WBP2: variants seen among roughly 807,000 people sequenced by gnomAD.
WBP2 encodes WW domain-binding protein 2.
Under a neutral mutation model 33.0 loss-of-function variants are expected in WBP2, and 23 were observed. That is an observed-to-expected ratio of 0.70 (90% CI 0.50 to 0.99). WBP2 has a LOEUF of 0.99. WBP2 is among the 50% of genes least tolerant of loss of function. The probability of loss-of-function intolerance (pLI) is 0.00; values close to 1 mark genes in which losing one functional copy is unlikely to be tolerated. For synonymous variants in WBP2, 153 were observed against 133.5 expected, an observed-to-expected ratio of 1.15 and a Z score of -1.01; for missense variants, 353 against 358.0, an observed-to-expected ratio of 0.99 and a Z score of 0.11.
At position 75,855,335 on chromosome 17, in the gene WBP2, T is replaced by C. The variant is rs2065052433; in HGVS notation, c.-38A>G. On this transcript the variant is annotated 5_prime_UTR_variant, in exon 1 of 8. Coordinates refer to ENST00000254806, the MANE Select transcript of WBP2 (RefSeq NM_012478.4). The stretch of plus-strand genomic sequence containing the variant: ...AGGGGTCCCGAGACTCAAAACGCAA[T>C]GAGCTTGCGCCCCTCTTCGCCCCGC... 1.2e-6 allele frequency: 2 copies of C among 1,608,850 alleles called. No individual in the cohort carries two copies. The highest frequency in any genetic ancestry group is 2.2e-5 in the East Asian group (1 of 44,870).
In WBP2 at chr17:75,849,588, A is replaced by ATGG; in HGVS notation, c.304+15_304+16insCCA. 3.7e-6 allele frequency: 6 copies of ATGG among 1,613,822 alleles called. No individual in the cohort carries two copies. The highest frequency in any genetic ancestry group is 5.1e-6 in the Non-Finnish European group (6 of 1,179,786). ...CCTGCAGGCCCCATGCGTGTCCCTGAGTTCCCATCACCTACCTCCCGCTTC... is the reference window on the plus strand; with the variant it reads ...CCTGCAGGCCCCATGCGTGTCCCTGATGGGTTCCCATCACCTACCTCCCGCTTC... On this transcript the variant is annotated intron_variant, in intron 3 of 7. Transcript: ENST00000254806.
In WBP2 at chr17:75,849,710, G is replaced by A. The variant is rs372636469; in HGVS notation, c.198C>T (p.Ala66=). The A allele has an allele frequency of 6.2e-7, 1 of 1,614,160 alleles. No individual in the cohort carries two copies. The highest frequency in any genetic ancestry group is 8.5e-7 in the Non-Finnish European group (1 of 1,180,014). The change falls in exon 3 of 8, where the codon GCC becomes GCT. Residue 66 remains alanine (A), a synonymous_variant. Transcript: ENST00000254806. The part of the protein sequence containing the change: ...RVIFLSKGKD[A]MQSFMMPFYL... The stretch of plus-strand genomic sequence containing the variant: ...AAAATGGCATCATGAAGGACTGCAT[G>A]GCATCCTTGCCCTTGGACAGAAAGA...
intron 3 of WBP2, chr17:75,849,132 T>C: frequency 4.7e-6 from 1 of 212,740 alleles, no homozygotes; most frequent in Non-Finnish European, 9.6e-6. Context: ...GGACCAAGAG[T>C]GTCTCAATAG....
upstream of WBP2, chr17:75,855,376 C>T: frequency 6.5e-7 from 1 of 1,527,974 alleles, no homozygotes; most frequent in South Asian, 1.1e-5. Context: ...GTGGCGTCTT[C>T]TTATTAGAGT....
Position 75,847,504 on chromosome 17 carries a change from A to T in WBP2, c.638T>A (p.Val213Asp), listed in dbSNP as rs1238255744. 2 of 1,591,298 alleles carry T rather than the reference A, an allele frequency of 1.3e-6. No individual in the cohort carries two copies. Among genetic ancestry groups the T allele is most frequent in the African/African-American group, 2.7e-5 (2 of 74,382 alleles). ...PMEPPVSGPD[V>D]PSTPAAEAKA... ...GCCCTCACCTGCAGGAGTGGAGGGG[A>T]CATCGGGGCCGCTGACCGGAGGTTC... The change falls in exon 6 of 8, where the codon GTC becomes GAC. Residue 213 changes from valine (V) to aspartate (D), a missense_variant. Physicochemically the swap from Val to Asp is radical, Grantham distance 152 (BLOSUM62 -3). Transcript: ENST00000254806.
rs767786307 is a variant in WBP2, at chr17:75,846,579, G to A, written c.*155C>T. ...GGCGGCACCTCTCCCGAGGCCGGGG[G>A]CCCTAATGTCCCACAATGCTAGTTC... On this transcript the variant is annotated 3_prime_UTR_variant, in exon 8 of 8. Transcript: ENST00000254806. The surrounding 1 kb of genome is among the most constrained non-coding windows in gnomAD (Gnocchi z 4.8). 67 of 994,268 alleles carry A rather than the reference G, an allele frequency of 6.7e-5. No homozygotes were observed. The highest frequency in any genetic ancestry group is 7.1e-5 in the South Asian group (5 of 70,576). 61.6% of individuals were successfully genotyped at this position (994,268 alleles called of 1,614,324 possible).
At chr17:75,849,844 T>C in intron 2 of WBP2, 105 bp from the exon 3 acceptor site, 1 of 1,458,324 alleles carries the variant, frequency 6.9e-7, no homozygotes, top group Non-Finnish European at 9.3e-7. Flanking sequence ...AGTGCCAGGG[T>C]CCAGCAGCCC....
intron 6 of WBP2, 82 bp from the exon 7 acceptor site, chr17:75,847,066 TC>T: frequency 6.7e-7 from 1 of 1,497,624 alleles, no homozygotes; most frequent in Admixed American, 1.8e-5. Context: ...CCCCCATGGC[TC>T]GGGGCAGCTG....
At chr17:75,847,645 ACCCGGCTGCGGCCCCCT>A in intron 5 of WBP2, 36 bp from the exon 6 acceptor site, 1 of 1,611,874 alleles carries the variant, frequency 6.2e-7, no homozygotes, top group Non-Finnish European at 8.5e-7. Context: ...CATGGTGAGC[ACCCGGCTGCGGCCCCCT>A]CCCGGGTGAG....
chr17:75,854,077 GA>G (rs2065043562), intron 1 of WBP2, among the ~76,000 whole-genome samples: 1 of 144,084 alleles, frequency 6.9e-6, no homozygotes, highest in Admixed American at 7.0e-5. Flanking sequence ...AAAAAGAGAA[GA>G]GAAGTACTGC....
intron 5 of WBP2, 88 bp from the exon 6 acceptor site, chr17:75,847,697 G>C: frequency 6.3e-7 from 1 of 1,582,624 alleles, no homozygotes. Flanking sequence ...CTCCTTCGTT[G>C]GTCCTGAAGC....
chr17:75,847,083 G>A, intron 6 of WBP2, 99 bp from the exon 7 acceptor site: 1 of 1,351,086 alleles, frequency 7.4e-7, no homozygotes, highest in Admixed American at 1.9e-5. Flanking sequence ...AGCTGGTGCT[G>A]GGGGTCCAGT....
chr17:75,845,787 A>AT lies in WBP2; in HGVS notation c.*946dup, dbSNP rs35810342. ...TATTTCACATTAATATATTAACTGGATTTTTTGTCAAATAAATAGGGAATT... is the reference window on the plus strand; with the variant it reads ...TATTTCACATTAATATATTAACTGGATTTTTTTGTCAAATAAATAGGGAATT... On this transcript the variant is annotated 3_prime_UTR_variant, in exon 8 of 8. Coordinates refer to ENST00000254806, the MANE Select transcript of WBP2 (RefSeq NM_012478.4). The AT allele has an allele frequency of 6.6e-6, 1 of 152,580 alleles. No individual in the cohort carries two copies. Among genetic ancestry groups the AT allele is most frequent in the South Asian group, 2.1e-4 (1 of 4,838 alleles). 9.5% of individuals were successfully genotyped at this position (152,580 alleles called of 1,614,324 possible). A position where few individuals can be genotyped will look rare whatever the true frequency, so the allele number is the denominator to read the frequency against.
upstream of WBP2, among the ~76,000 whole-genome samples, chr17:75,856,094 C>T (rs1023579223): frequency 6.6e-6 from 1 of 152,230 alleles, no homozygotes. Flanking sequence ...AGCGGGGTCC[C>T]GGCCGGAAGA....
Position 75,851,804 on chromosome 17 carries a change from T to C in WBP2, c.60-128A>G, listed in dbSNP as rs115732349. ...CTCATAACCTCTCAATAGTGCGGCA[T>C]TAAAACTATTCATAGGGCTGGGCGC... On this transcript the variant is annotated intron_variant, in intron 1 of 7. Transcript: ENST00000254806. The C allele has an allele frequency of 1.2e-3, 837 of 689,448 alleles. 1 individual carries two copies. In the African/African-American group the frequency reaches 0.014, roughly 11 times the overall value. 42.7% of individuals were successfully genotyped at this position (689,448 alleles called of 1,614,324 possible).
chr17:75,851,683 TGAGAA>T lies in WBP2; in HGVS notation c.60-12_60-8del. The stretch of plus-strand genomic sequence containing the variant: ...ATCATAGGACATTAGGATGCTGTGA[TGAGAA>T]AAGAGGAAAAGCCTCAATGAGACAG... On this transcript the variant is annotated splice_region_variant and splice_polypyrimidine_tract_variant and intron_variant, in intron 1 of 7. Coordinates refer to ENST00000254806, the MANE Select transcript of WBP2 (RefSeq NM_012478.4). The T allele has an allele frequency of 1.2e-6, 2 of 1,609,034 alleles. No individual in the cohort carries two copies. The highest frequency in any genetic ancestry group is 1.7e-6 in the Non-Finnish European group (2 of 1,175,760).
upstream of WBP2, among the ~76,000 whole-genome samples, chr17:75,855,737 G>C (rs2065055226): frequency 6.6e-6 from 1 of 152,274 alleles, no homozygotes; most frequent in Admixed American, 6.5e-5. Flanking sequence ...GGGAAGTCCT[G>C]CTGGTCGAAT....
upstream of WBP2, chr17:75,856,404 C>T (rs1157595513): frequency 6.6e-6 from 1 of 152,240 alleles, no homozygotes; most frequent in Non-Finnish European, 1.5e-5. Context: ...TCTAGATCCA[C>T]CTGCTTGACT....
At chr17:75,847,990 GC>G in intron 4 of WBP2, 60 bp from the exon 5 acceptor site, 1 of 1,548,276 alleles carries the variant, frequency 6.5e-7, no homozygotes, top group Non-Finnish European at 8.7e-7. Flanking sequence ...GGAGAGGGCA[GC>G]CCCGCTGCCT....
Sources: allele counts gnomAD v4.1 joint callset (sites outside exome capture counted in the v4.1 genomes callset), GRCh38; gene constraint gnomAD v4.1.1; non-coding constraint Gnocchi (gnomAD v3.1); transcripts MANE v1.5; gene names NCBI Gene and HGNC (gene_info 2026-07-23, HGNC 2026-07-21).